SPMAP2L: variants seen among roughly 807,000 people sequenced by gnomAD.
SPMAP2L encodes the protein sperm microtubule associated protein 2 like, also known as sperm microtubule associated protein 2-like.
the SPMAP2L span, among the ~76,000 whole-genome samples, chr4:56,563,352 C>G: frequency 6.6e-6 from 1 of 151,556 alleles, no homozygotes; most frequent in African/African-American, 2.4e-5. Flanking sequence ...GATCTGCCTG[C>G]CTCGGCCTCC....
At chr4:56,592,874 A>G in the SPMAP2L span, 1 of 1,609,550 alleles carries the variant, frequency 6.2e-7, no homozygotes, top group Non-Finnish European at 8.5e-7. Context: ...CCCTGGGGAC[A>G]AAGACCAGAG....
the SPMAP2L span, among the ~76,000 whole-genome samples, chr4:56,536,663 A>G: frequency 6.6e-6 from 1 of 152,198 alleles, no homozygotes; most frequent in Non-Finnish European, 1.5e-5. Context: ...TGTCAAAAAG[A>G]TTCAAAGAGT....
At chr4:56,546,946 A>G in the SPMAP2L span, among the ~76,000 whole-genome samples, 1 of 152,064 alleles carries the variant, frequency 6.6e-6, no homozygotes, top group South Asian at 2.1e-4. Flanking sequence ...AGTTCCATTT[A>G]CTTTTTTTTG....
At chr4:56,539,711 C>T in the SPMAP2L span, among the ~76,000 whole-genome samples, 1 of 152,166 alleles carries the variant, frequency 6.6e-6, no homozygotes, top group Non-Finnish European at 1.5e-5. Flanking sequence ...TGTGAGCCAC[C>T]GTGCCTGCCT....
the SPMAP2L span, among the ~76,000 whole-genome samples, chr4:56,620,382 T>C: frequency 7.1e-6 from 1 of 141,210 alleles, no homozygotes; most frequent in Non-Finnish European, 1.5e-5. Flanking sequence ...AAAATAGCCT[T>C]CTAGTTTTTT....
At chr4:56,565,532 A>G in the SPMAP2L span, among the ~76,000 whole-genome samples, 1 of 152,206 alleles carries the variant, frequency 6.6e-6, no homozygotes, top group Non-Finnish European at 1.5e-5. Flanking sequence ...TTCATCATCC[A>G]TAAGGGAAAG....
At chr4:56,578,535 C>G in the SPMAP2L span, among the ~76,000 whole-genome samples, 1 of 151,892 alleles carries the variant, frequency 6.6e-6, no homozygotes, top group South Asian at 2.1e-4. Flanking sequence ...ATGAATTGAA[C>G]ACTCCAATAA....
chr4:56,537,359 T>A, the SPMAP2L span, among the ~76,000 whole-genome samples: 11 of 152,234 alleles, frequency 7.2e-5, no homozygotes, highest in Non-Finnish European at 8.8e-5. Flanking sequence ...CTCTCTCTTC[T>A]CTGAGTCTGA....
chr4:56,581,963 A>C, the SPMAP2L span, among the ~76,000 whole-genome samples: 1 of 152,198 alleles, frequency 6.6e-6, no homozygotes, highest in Non-Finnish European at 1.5e-5. Context: ...ATAACTGGCT[A>C]TTTGCATGCA....
At chr4:56,555,966 T>C in the SPMAP2L span, among the ~76,000 whole-genome samples, 2 of 152,174 alleles carry the variant, frequency 1.3e-5, no homozygotes, top group Non-Finnish European at 2.9e-5. Flanking sequence ...TGAATATTAT[T>C]AGAACTGTCA....
the SPMAP2L span, among the ~76,000 whole-genome samples, chr4:56,551,667 A>G: frequency 1.3e-5 from 2 of 152,206 alleles, no homozygotes; most frequent in Non-Finnish European, 2.9e-5. Flanking sequence ...ACTCCAACCA[A>G]GGCCATACAC....
chr4:56,558,658 C>T, the SPMAP2L span, among the ~76,000 whole-genome samples: 1 of 152,002 alleles, frequency 6.6e-6, no homozygotes, highest in South Asian at 2.1e-4. Flanking sequence ...CTTCCTAATC[C>T]CTGACCCTCC....
chr4:56,617,800 A>T, the SPMAP2L span, among the ~76,000 whole-genome samples: 2 of 152,156 alleles, frequency 1.3e-5, no homozygotes, highest in African/African-American at 4.8e-5. Context: ...ATGAACTCAA[A>T]GTTTTATTGA....
chr4:56,621,970 C>A, the SPMAP2L span, among the ~76,000 whole-genome samples: 1 of 152,040 alleles, frequency 6.6e-6, no homozygotes, highest in Non-Finnish European at 1.5e-5. Flanking sequence ...ACGAGTGGAC[C>A]CTAATGTAAA....
chr4:56,582,712 G>A, the SPMAP2L span, among the ~76,000 whole-genome samples: 5,503 of 152,208 alleles, frequency 0.036, 135 homozygotes, highest in Non-Finnish European at 0.051. Context: ...TAGACTCCTA[G>A]ACATGTACCC....
chr4:56,603,373 A>AT, the SPMAP2L span: 1 of 1,322,338 alleles, frequency 7.6e-7, no homozygotes, highest in Non-Finnish European at 1.0e-6. Flanking sequence ...TAGAACACAT[A>AT]TTAGATGACT....
chr4:56,575,651 T>C, the SPMAP2L span: 1 of 1,534,102 alleles, frequency 6.5e-7, no homozygotes, highest in African/African-American at 1.4e-5. Context: ...AGGTAGAGTA[T>C]CTTGAGAATC....
the SPMAP2L span, among the ~76,000 whole-genome samples, chr4:56,541,427 A>G: frequency 6.6e-6 from 1 of 152,158 alleles, no homozygotes; most frequent in Non-Finnish European, 1.5e-5. Context: ...TGACATCACT[A>G]GAGTCATTTT....
chr4:56,582,081 C>T, the SPMAP2L span, among the ~76,000 whole-genome samples: 1 of 152,108 alleles, frequency 6.6e-6, no homozygotes, highest in Non-Finnish European at 1.5e-5. Flanking sequence ...AAAACACAGG[C>T]ATACTTCTCT....
Sources: allele counts gnomAD v4.1 joint callset (sites outside exome capture counted in the v4.1 genomes callset), GRCh38; gene constraint gnomAD v4.1.1; transcripts MANE v1.5; gene names NCBI Gene and HGNC (gene_info 2026-07-23, HGNC 2026-07-21).